TAAR8: variants seen among roughly 807,000 people sequenced by gnomAD.
TAAR8 encodes trace amine associated receptor 8, also known as trace amine-associated receptor 8.
For synonymous variants in TAAR8, 157 were observed against 152.7 expected (o/e 1.03, Z -0.21); for missense variants, 459 against 405.8 (o/e 1.13, Z -1.13).
At chr6:132,553,731 C>T, downstream of TAAR8, 1 of 1,422,654 alleles carries the variant, frequency 7.0e-7, no homozygotes, top group Non-Finnish European at 9.3e-7. Flanking sequence ...AGTTTAAGCA[C>T]TAAGTTGAGA....
At chr6:132,553,539 A>T (rs1488227756) in exon 1 of TAAR8, 1 of 1,613,938 alleles carries the variant, frequency 6.2e-7, no homozygotes, top group Non-Finnish European at 8.5e-7. Context: ...TGATGCCTTT[A>T]TGGGCTTCCT....
exon 1 of TAAR8, chr6:132,553,154 G>T: frequency 1.2e-6 from 2 of 1,614,168 alleles, no homozygotes; most frequent in Admixed American, 3.3e-5. Context: ...GCATCAGCGT[G>T]TCCTGGATTC....
chr6:132,552,699 A>G, exon 1 of TAAR8: 5 of 1,604,918 alleles, frequency 3.1e-6, no homozygotes, highest in Non-Finnish European at 4.3e-6. Context: ...AACCATGACC[A>G]GCAATTTTTC....
exon 1 of TAAR8, chr6:132,553,371 G>C: frequency 6.2e-7 from 1 of 1,614,022 alleles, no homozygotes; most frequent in Non-Finnish European, 8.5e-7. Flanking sequence ...TAAACAACAA[G>C]CTATAAAAAT....
At chr6:132,553,170 C>G in exon 1 of TAAR8, 1 of 1,614,172 alleles carries the variant, frequency 6.2e-7, no homozygotes, top group Non-Finnish European at 8.5e-7. Context: ...GATTCTGCCT[C>G]TCACGTACAG....
chr6:132,552,940 C>T, exon 1 of TAAR8: 1 of 1,614,208 alleles, frequency 6.2e-7, no homozygotes, highest in South Asian at 1.1e-5. Context: ...GTAGGTGTGA[C>T]TGTGATGCTT....
At chr6:132,553,198 C>T (rs1321404248) in exon 1 of TAAR8, 1 of 1,614,196 alleles carries the variant, frequency 6.2e-7, no homozygotes, top group Non-Finnish European at 8.5e-7. Context: ...GTGTTCTACA[C>T]AGGTGTCAAT....
rs757194034 is a variant in TAAR8 at position 132,553,335 on chromosome 6, C to A, written c.643C>A (p.Leu215Ile). 9.9e-6 allele frequency: 16 copies of A among 1,613,822 alleles called. No individual in the cohort carries two copies. In the South Asian group the frequency reaches 1.8e-4, roughly 18 times the overall value. The change falls in exon 1 of 1, where the codon CTT becomes ATT. Residue 215 changes from leucine (L) to isoleucine (I), a missense_variant. Leu to Ile is a conservative substitution (Grantham distance 5). Coordinates refer to ENST00000275200, the Ensembl canonical transcript of TAAR8. ...CATACCTACCCTTGTTATGATAATTCTTTACAGTAAGATTTTTCTTATAGC... is the reference window on the plus strand; with the variant it reads ...CATACCTACCCTTGTTATGATAATTATTTACAGTAAGATTTTTCTTATAGC...
chr6:132,552,785 G>C (rs755658505), exon 1 of TAAR8: 1 of 1,614,162 alleles, frequency 6.2e-7, no homozygotes, highest in Non-Finnish European at 8.5e-7. Context: ...CTGGGTCCCG[G>C]GTAATTCTGT....
exon 1 of TAAR8, chr6:132,553,713 T>G: frequency 6.5e-7 from 1 of 1,533,834 alleles, no homozygotes; most frequent in Non-Finnish European, 8.7e-7. Context: ...TAGTTTATTT[T>G]TAGAATAAGT....
exon 1 of TAAR8, chr6:132,553,189 T>C (rs759249124): frequency 1.2e-6 from 2 of 1,614,006 alleles, no homozygotes; most frequent in African/African-American, 2.7e-5. Flanking sequence ...AGCGGTGCTG[T>C]GTTCTACACA....
exon 1 of TAAR8, chr6:132,553,316 T>C: frequency 6.2e-7 from 1 of 1,614,206 alleles, no homozygotes; most frequent in Non-Finnish European, 8.5e-7. Flanking sequence ...TCTTCATACC[T>C]ACCCTTGTTA....
At chr6:132,553,642 T>C in exon 1 of TAAR8, 1 of 1,613,540 alleles carries the variant, frequency 6.2e-7, no homozygotes, top group South Asian at 1.1e-5. Flanking sequence ...TATCCTTGGT[T>C]TAGGAAAGCC....
chr6:132,553,112 T>C (rs769405120), exon 1 of TAAR8: 1 of 1,614,230 alleles, frequency 6.2e-7, no homozygotes. Flanking sequence ...TGGTCTATGC[T>C]ACCAAGTTCA....
Position 132,552,755 on chromosome 6 carries a change from T to C in TAAR8, c.63T>C (p.Cys21=), listed in dbSNP as rs1450136144. 7 of 1,614,116 alleles carry C rather than the reference T, an allele frequency of 4.3e-6. No homozygotes were observed. The South Asian group carries it at 4.4e-5, about 10-fold the overall frequency. Reference sequence around the variant, plus strand: ...GCTATGAGGATGTGAATGGATCTTGTATTGAAACTCCCTATTCTCCTGGGT... The same window carrying C: ...GCTATGAGGATGTGAATGGATCTTGCATTGAAACTCCCTATTCTCCTGGGT... Residue 21 remains cysteine (C), a synonymous_variant, in exon 1 of 1, where the codon TGT becomes TGC. Transcript: ENST00000275200.
At chr6:132,553,680 T>A in exon 1 of TAAR8, 1 of 1,607,846 alleles carries the variant, frequency 6.2e-7, no homozygotes, top group Non-Finnish European at 8.5e-7. Flanking sequence ...TGGAGATGTT[T>A]TAAAGGCTAG....
chr6:132,553,070 C>A lies in TAAR8; in HGVS notation c.378C>A (p.Cys126Ter). The change falls in exon 1 of 1, where the codon TGC (cysteine) becomes TGA (stop). Residue 126 changes from cysteine (C) to a stop codon, truncating the protein, a stop_gained. Transcript: ENST00000275200. LOFTEE classifies it low-confidence loss of function (END_TRUNC). ...CTGTCCTCCACTTGTGCTTCATCTGCATCGACAGGTACATTGTGGTTACTG... is the reference window on the plus strand; with the variant it reads ...CTGTCCTCCACTTGTGCTTCATCTGAATCGACAGGTACATTGTGGTTACTG... 1.9e-6 allele frequency: 3 copies of A among 1,614,224 alleles called. No individual in the cohort carries two copies. The highest frequency in any genetic ancestry group is 2.5e-6 in the Non-Finnish European group (3 of 1,180,038).
rs755907666 is a variant in TAAR8, at chr6:132,553,299, C to G, written c.607C>G (p.Leu203Val). Residue 203 changes from leucine to valine, a missense_variant, in exon 1 of 1, where the codon CTG becomes GTG. By Grantham distance (32) the Leu-to-Val change is conservative. Transcript: ENST00000275200. ...TCAAGGCTGGGTGTTGATAGATTTT[C>G]TGTTATTCTTCATACCTACCCTTGT... 3.7e-6 allele frequency: 6 copies of G among 1,614,112 alleles called. No individual in the cohort carries two copies. In the South Asian group the frequency reaches 5.5e-5, roughly 15 times the overall value.
chr6:132,552,722 G>A, exon 1 of TAAR8: 1 of 1,613,068 alleles, frequency 6.2e-7, no homozygotes, highest in Non-Finnish European at 8.5e-7. Flanking sequence ...AACCTGTTGT[G>A]CAGCTTTGCT....
Sources: gnomAD v4.1 joint callset for allele counts on GRCh38, gnomAD v4.1.1 for gene constraint, MANE v1.5 for transcripts, NCBI Gene and HGNC (gene_info 2026-07-23, HGNC 2026-07-21) for gene names.